EHMT1: variants seen among roughly 807,000 people sequenced by gnomAD.
EHMT1 encodes the protein euchromatic histone lysine methyltransferase 1.
Under a neutral mutation model 147.2 loss-of-function variants are expected in EHMT1, and 15 were observed. That is an observed-to-expected ratio of 0.10 (90% CI 0.07 to 0.16). EHMT1 has a LOEUF of 0.16. Among genes scored for constraint, EHMT1 ranks in the 10% least tolerant of loss-of-function variants. The pLI, the probability that EHMT1 is intolerant of heterozygous loss-of-function variation, is 1.00. For missense variants in EHMT1, 1,587 were observed against 1,772.4 expected, an observed-to-expected ratio of 0.90 and a Z score of 1.88; for synonymous variants, 795 against 709.6, an observed-to-expected ratio of 1.12 and a Z score of -1.91.
At chr9:137,668,372 T>C (rs971457113) in intron 1 of EHMT1, among the ~76,000 whole-genome samples, 5 of 143,392 alleles carry the variant, frequency 3.5e-5, no homozygotes, top group African/African-American at 1.3e-4. Context: ...CACCCACTCA[T>C]CCATCCATCC....
intron 6 of EHMT1, chr9:137,745,587 C>A (rs1465527440): frequency 7.5e-6 from 3 of 398,554 alleles, no homozygotes; most frequent in Non-Finnish European, 1.3e-5. Flanking sequence ...CAGCCCTCCC[C>A]GAAGGACAGG....
chr9:137,717,186 A>G lies in EHMT1; in HGVS notation c.642+4A>G. The G allele has an allele frequency of 6.2e-7, 1 of 1,611,520 alleles. No individual in the cohort carries two copies. Among genetic ancestry groups the G allele is most frequent in the Non-Finnish European group, 8.5e-7 (1 of 1,179,940 alleles). On this transcript the variant is annotated splice_donor_region_variant and intron_variant, in intron 3 of 26. Transcript: ENST00000460843. ...GCCGAAGTCCGTCGTGGGCCTGGTAATTTTGTGTCTTCTCTTGCTGTTTCC... is the reference window on the plus strand; with the variant it reads ...GCCGAAGTCCGTCGTGGGCCTGGTAGTTTTGTGTCTTCTCTTGCTGTTTCC...
chr9:137,663,657 C>T (rs1446101209), intron 1 of EHMT1, among the ~76,000 whole-genome samples: 27 of 152,188 alleles, frequency 1.8e-4, no homozygotes, highest in Admixed American at 1.8e-3. Context: ...TCTTTCTGTT[C>T]TCTTACACGA....
chr9:137,784,527 G>A, intron 15 of EHMT1: 1 of 693,136 alleles, frequency 1.4e-6, no homozygotes, highest in Non-Finnish European at 1.8e-6. Context: ...TGCGTCTTTT[G>A]AATTGGTTTT....
At chr9:137,726,345 A>G (rs916872944) in intron 3 of EHMT1, among the ~76,000 whole-genome samples, 2 of 151,560 alleles carry the variant, frequency 1.3e-5, no homozygotes, top group African/African-American at 4.9e-5. Context: ...GACTCTAGGG[A>G]CCTCCTGTAA....
At chr9:137,794,368 C>A (rs1952744555) in intron 16 of EHMT1, among the ~76,000 whole-genome samples, 1 of 152,130 alleles carries the variant, frequency 6.6e-6, no homozygotes, top group African/African-American at 2.4e-5. Flanking sequence ...AAACATTTGG[C>A]CAGGTTCAGT....
chr9:137,669,725 CT>C (rs149033990), intron 1 of EHMT1, among the ~76,000 whole-genome samples: 89 of 151,738 alleles, frequency 5.9e-4, no homozygotes, highest in African/African-American at 2.1e-3. Context: ...TGTTTTTTCT[CT>C]TTTTTTAAAA....
At chr9:137,661,945 C>T (rs1345144752) in intron 1 of EHMT1, among the ~76,000 whole-genome samples, 1 of 151,888 alleles carries the variant, frequency 6.6e-6, no homozygotes, top group Non-Finnish European at 1.5e-5. Context: ...TGGGATTACA[C>T]GCATGCGCCA....
chr9:137,809,811 G>A (rs1014685211), intron 18 of EHMT1, among the ~76,000 whole-genome samples: 7 of 152,232 alleles, frequency 4.6e-5, no homozygotes, highest in African/African-American at 1.7e-4. Flanking sequence ...GGAAAGGTCC[G>A]GAAGCTGAGT....
intron 1 of EHMT1, among the ~76,000 whole-genome samples, chr9:137,709,221 G>A (rs114584262): frequency 0.014 from 2,116 of 152,226 alleles, 38 homozygotes; most frequent in South Asian, 0.038. Context: ...CAGGGACCCC[G>A]GAGAGCTCCT....
intron 4 of EHMT1, among the ~76,000 whole-genome samples, chr9:137,730,958 T>C (rs1011303187): frequency 4.6e-5 from 7 of 152,274 alleles, no homozygotes; most frequent in Non-Finnish European, 7.3e-5. Context: ...TTAAACTTGG[T>C]GTTTTGCAAA....
intron 25 of EHMT1, among the ~76,000 whole-genome samples, chr9:137,823,064 G>A (rs550617164): frequency 6.6e-6 from 1 of 151,424 alleles, no homozygotes; most frequent in South Asian, 2.1e-4. Context: ...CTGAGTAGCT[G>A]GGACTACAGG....
rs764785935 is a variant in EHMT1, at chr9:137,684,455, G to A, written c.22-26512G>A. Among the ~76,000 whole-genome samples the A allele has an allele frequency of 4.6e-5, 7 of 152,032 alleles. No homozygotes were observed. The East Asian group carries it at 1.2e-3, about 25-fold the overall frequency. On this transcript the variant is annotated intron_variant, in intron 1 of 26. Transcript: ENST00000460843. ...CCCCTTCATTCCTAAATACATTAGCGTGTATTTCCTACAAAGCCATTATTT... is the reference window on the plus strand; with the variant it reads ...CCCCTTCATTCCTAAATACATTAGCATGTATTTCCTACAAAGCCATTATTT...
chr9:137,802,589 G>A (rs1026437510), intron 18 of EHMT1: 3 of 399,052 alleles, frequency 7.5e-6, no homozygotes, highest in East Asian at 3.6e-5. Flanking sequence ...GCTTGAGAAC[G>A]GCGTGGGCAC....
At chr9:137,657,794 C>T (rs913618157) in intron 1 of EHMT1, among the ~76,000 whole-genome samples, 3 of 151,862 alleles carry the variant, frequency 2.0e-5, no homozygotes, top group Non-Finnish European at 2.9e-5. Flanking sequence ...CCATTTCTAC[C>T]CCCACTCCCC....
chr9:137,802,216 G>T (rs1953550776), intron 18 of EHMT1, among the ~76,000 whole-genome samples: 1 of 152,184 alleles, frequency 6.6e-6, no homozygotes, highest in Non-Finnish European at 1.5e-5. Flanking sequence ...GGGGCGAGGG[G>T]GTACTCTGGT....
intron 4 of EHMT1, among the ~76,000 whole-genome samples, chr9:137,741,691 C>G (rs2136017732): frequency 1.3e-5 from 2 of 152,276 alleles, no homozygotes; most frequent in East Asian, 3.9e-4. Flanking sequence ...ATGCTGCAAC[C>G]CTGCAGTCAG....
chr9:137,707,346 A>G (rs1366185641), intron 1 of EHMT1, among the ~76,000 whole-genome samples: 1 of 152,180 alleles, frequency 6.6e-6, no homozygotes, highest in Non-Finnish European at 1.5e-5. Flanking sequence ...AAGTCAGGAG[A>G]GGCCACGGTT....
intron 1 of EHMT1, among the ~76,000 whole-genome samples, chr9:137,629,656 G>A (rs1843494404): frequency 6.6e-6 from 1 of 152,156 alleles, no homozygotes; most frequent in African/African-American, 2.4e-5. Flanking sequence ...GCCTCCCAAA[G>A]TGCTGAGGTT....
Sources: allele counts gnomAD v4.1 joint callset (sites outside exome capture counted in the v4.1 genomes callset), GRCh38; gene constraint gnomAD v4.1.1; transcripts MANE v1.5; gene names NCBI Gene and HGNC (gene_info 2026-07-23, HGNC 2026-07-21).